The following TECTA variants were observed in gnomAD, a reference collection of about 807,000 sequenced individuals.
TECTA encodes the protein tectorin alpha, also known as alpha-tectorin.
A neutral mutation model predicts 216.8 loss-of-function variants in TECTA; 128 were observed. The ratio of observed to expected loss-of-function variants is 0.59; its 90% CI spans 0.51 to 0.68. TECTA has a LOEUF of 0.68. Ranked by LOEUF, TECTA falls within the 30% of genes least tolerant of loss-of-function variation. TECTA has a pLI of 0.00. For synonymous variants in TECTA, 1,089 were observed against 1,117.1 expected (o/e 0.97, Z 0.50); for missense variants, 2,551 against 2,786.2 (o/e 0.92, Z 1.90).
At chr11:121,153,180 T>C (rs967562600) in intron 13 of TECTA, 100 bp downstream of exon 13, 9 of 1,401,092 alleles carry the variant, frequency 6.4e-6, no homozygotes, top group African/African-American at 1.4e-5. Flanking sequence ...CACTTCATTA[T>C]GAAGAGCGTC....
intron 23 of TECTA, among the ~76,000 whole-genome samples, chr11:121,190,400 G>T (rs1365055601): frequency 6.6e-6 from 1 of 152,168 alleles, no homozygotes; most frequent in African/African-American, 2.4e-5. Flanking sequence ...GAGTAACTGG[G>T]ACTACAGGCA....
intron 4 of TECTA, among the ~76,000 whole-genome samples, chr11:121,111,544 G>A (rs1181080689): frequency 6.6e-6 from 1 of 152,200 alleles, no homozygotes; most frequent in South Asian, 2.1e-4. Context: ...GGTGTCACTG[G>A]TATGGCTGGT....
At chr11:121,106,609 G>T (rs1946392471) in intron 3 of TECTA, among the ~76,000 whole-genome samples, 1 of 152,142 alleles carries the variant, frequency 6.6e-6, no homozygotes, top group Non-Finnish European at 1.5e-5. Context: ...GGCACATGAA[G>T]AGGAAGATTC....
Position 121,127,797 on chromosome 11 carries a change from C to T in TECTA, c.1820C>T (p.Thr607Ile), listed in dbSNP as rs1481639629. 6.8e-6 allele frequency: 11 copies of T among 1,614,084 alleles called. No individual in the cohort carries two copies. Among genetic ancestry groups the T allele is most frequent in the Non-Finnish European group, 9.3e-6 (11 of 1,180,048 alleles). Residue 607 changes from threonine (T) to isoleucine (I), a missense_variant, in exon 9 of 24, where the codon ACA (threonine) becomes ATA (isoleucine). Transcript: ENST00000392793. This position sits in a 1 kb window ranked among gnomAD's most constrained non-coding sequence, Gnocchi z 5.0. ...AGCTTCAGCCACTACTCCGTGTGCA[C>T]AAGCAGCTGCCCCGACACATGCTCC... ...CPSFSHYSVC[T>I]SSCPDTCSDL...
chr11:121,113,143 C>G lies in TECTA; in HGVS notation c.558C>G (p.Ile186Met), dbSNP rs1946458237. 1 of 1,614,014 alleles carries G rather than the reference C, an allele frequency of 6.2e-7. No homozygotes were observed. The highest frequency in any genetic ancestry group is 1.3e-5 in the African/African-American group (1 of 74,906). The stretch of plus-strand genomic sequence containing the variant: ...TCACCCTCTTCAATTATTACGAAAT[C>G]AACTGGACCACGGGGACGGCGAGTG... ...YTFTLFNYYE[I>M]NWTTGTASGG... is the part of the protein sequence containing the mutation. Residue 186 changes from isoleucine (I) to methionine (M), a missense_variant, in exon 5 of 24, where the codon ATC becomes ATG. Physicochemically the swap from Ile to Met is conservative, Grantham distance 10 (BLOSUM62 1). Coordinates refer to ENST00000392793, the MANE Select transcript of TECTA (RefSeq NM_005422.4). This position sits in a 1 kb window ranked among gnomAD's most constrained non-coding sequence, Gnocchi z 4.2.
At chr11:121,141,287 CAG>C (rs1946781606) in intron 11 of TECTA, among the ~76,000 whole-genome samples, 1 of 152,182 alleles carries the variant, frequency 6.6e-6, no homozygotes, top group Non-Finnish European at 1.5e-5. Context: ...ATCAGGATGA[CAG>C]TGTGAAATGA....
At chr11:121,180,700 G>A (rs1469235795) in intron 20 of TECTA, among the ~76,000 whole-genome samples, 1 of 151,572 alleles carries the variant, frequency 6.6e-6, no homozygotes, top group East Asian at 1.9e-4. Flanking sequence ...CATTAAATAG[G>A]TTTTCTATGC....
intron 22 of TECTA, among the ~76,000 whole-genome samples, 168 bp from the exon 23 acceptor site, chr11:121,189,596 G>A (rs1045042151): frequency 1.3e-5 from 2 of 152,054 alleles, no homozygotes; most frequent in Non-Finnish European, 2.9e-5. Context: ...GGATGGTCTC[G>A]ATCTCCTGAC....
intron 12 of TECTA, among the ~76,000 whole-genome samples, chr11:121,146,879 T>A (rs1168784547): frequency 6.6e-6 from 1 of 152,216 alleles, no homozygotes; most frequent in African/African-American, 2.4e-5. Flanking sequence ...TCATTTATTC[T>A]TCTCAATGAC....
Position 121,127,120 on chromosome 11 carries a change from GA to G in TECTA, c.1775-630del, listed in dbSNP as rs1378723083. Among the ~76,000 whole-genome samples the G allele has an allele frequency of 1.3e-5, 2 of 152,186 alleles. No individual in the cohort carries two copies. The highest frequency in any genetic ancestry group is 4.8e-5 in the African/African-American group (2 of 41,442). ...CAAGAACCGAAGATTTCTAAGGCAAGAAGGGCCTTTAGAAGACATCTTACCT... is the reference window on the plus strand; with the variant it reads ...CAAGAACCGAAGATTTCTAAGGCAAGAGGGCCTTTAGAAGACATCTTACCT... On this transcript the variant is annotated intron_variant, in intron 8 of 23. Coordinates refer to ENST00000392793, the MANE Select transcript of TECTA (RefSeq NM_005422.4). This position sits in a 1 kb window ranked among gnomAD's most constrained non-coding sequence, Gnocchi z 5.0.
rs535563631 is a variant in TECTA, at chr11:121,175,300, G to T, written c.5999+6375G>T. 1.5e-4 allele frequency among the ~76,000 whole-genome samples: 22 copies of T among 151,420 alleles called. No individual in the cohort carries two copies. In the South Asian group the frequency reaches 4.2e-3, roughly 29 times the overall value. ...TTGTGATGTTAGGGTGTCAATTTTG[G>T]ATCTTTCCTGCTTTCTCTTGTGGGC... On this transcript the variant is annotated intron_variant, in intron 20 of 23. Coordinates refer to ENST00000392793, the MANE Select transcript of TECTA (RefSeq NM_005422.4).
chr11:121,145,005 G>C (rs943999605), intron 11 of TECTA, among the ~76,000 whole-genome samples: 2 of 152,138 alleles, frequency 1.3e-5, no homozygotes, highest in African/African-American at 4.8e-5. Context: ...TTCTGACCAC[G>C]GGCTCAGAAA....
intron 12 of TECTA, among the ~76,000 whole-genome samples, chr11:121,149,649 C>A (rs1333024935): frequency 6.6e-6 from 1 of 152,164 alleles, no homozygotes; most frequent in Non-Finnish European, 1.5e-5. Context: ...GGCCTCAAAT[C>A]CAGGTTGGTC....
At chr11:121,171,084 C>G (rs1466788391) in intron 20 of TECTA, among the ~76,000 whole-genome samples, 1 of 151,974 alleles carries the variant, frequency 6.6e-6, no homozygotes, top group Non-Finnish European at 1.5e-5. Flanking sequence ...ATCTTTAATC[C>G]TCTTTGAGTT....
Position 121,137,894 on chromosome 11 carries a change from C to T in TECTA, c.3415C>T (p.Pro1139Ser). Residue 1139 changes from proline (P) to serine (S), a missense_variant, in exon 11 of 24, where the codon CCC becomes TCC. Around this residue, in one of 3 missense-constraint regions of TECTA, gnomAD observed 2,375 missense variants for 2,563.9 expected, o/e 0.93. Transcript: ENST00000392793. ...AAGCAGGCCAAGCTCAGACTCTTTCCCCAAGTTTGTTGTCACAGCCAAGAA... is the reference window on the plus strand; with the variant it reads ...AAGCAGGCCAAGCTCAGACTCTTTCTCCAAGTTTGTTGTCACAGCCAAGAA... ...TGSRPSSDSF[P>S]KFVVTAKNED... is the part of the protein sequence containing the mutation. 6.2e-7 allele frequency: 1 copy of T among 1,602,328 alleles called. No individual in the cohort carries two copies. The highest frequency in any genetic ancestry group is 8.5e-7 in the Non-Finnish European group (1 of 1,170,672).
At chr11:121,121,047 A>G (rs948795513) in intron 7 of TECTA, among the ~76,000 whole-genome samples, 2 of 152,154 alleles carry the variant, frequency 1.3e-5, no homozygotes, top group Non-Finnish European at 2.9e-5. Context: ...AAGTGGAGAG[A>G]ACCTGGCTTT....
rs1237612380 is a variant in TECTA at position 121,138,002 on chromosome 11, G to T, written c.3523G>T (p.Ala1175Ser). Residue 1175 changes from alanine (A) to serine (S), a missense_variant, in exon 11 of 24, where the codon GCT (alanine) becomes TCT (serine). This residue lies in a region of TECTA where 2,375 missense variants were observed against 2,563.9 expected (regional missense o/e 0.93). Coordinates refer to ENST00000392793, the MANE Select transcript of TECTA (RefSeq NM_005422.4). ...VFGYSIVIHR[A>S]YKHTVLVNSE... is the part of the protein sequence containing the mutation. ...TGGCTACAGCATCGTGATCCACCGAGCTTACAAGCACACTGTGCTGGTGAG... is the reference window on the plus strand; with the variant it reads ...TGGCTACAGCATCGTGATCCACCGATCTTACAAGCACACTGTGCTGGTGAG... 1 of 1,613,806 alleles carries T rather than the reference G, an allele frequency of 6.2e-7. No homozygotes were observed. Among genetic ancestry groups the T allele is most frequent in the Admixed American group, 1.7e-5 (1 of 60,022 alleles).
intron 6 of TECTA, among the ~76,000 whole-genome samples, chr11:121,114,170 C>G (rs879403086): frequency 2.6e-5 from 4 of 152,046 alleles, no homozygotes; most frequent in Non-Finnish European, 5.9e-5. Context: ...TGCCAAGTTC[C>G]TATGAGGGTA....
rs551758838 is a variant in TECTA at position 121,190,004 on chromosome 11, T to G, written c.6367+124T>G. 5.2e-6 allele frequency: 4 copies of G among 774,650 alleles called. No homozygotes were observed. The East Asian group carries it at 7.9e-5, about 15-fold the overall frequency. The allele number at this position is 774,650 out of a possible 1,614,324, so 48.0% of individuals were successfully genotyped here. A position where few individuals can be genotyped will look rare whatever the true frequency, so the allele number is the denominator to read the frequency against. On this transcript the variant is annotated intron_variant, in intron 23 of 23. Transcript: ENST00000392793. ...ACTCTCCCTCGAAAACTCCAGAAATTAAGAAGGAAAGATGGGGAACATGCC... is the reference window on the plus strand; with the variant it reads ...ACTCTCCCTCGAAAACTCCAGAAATGAAGAAGGAAAGATGGGGAACATGCC...
Sources: gnomAD v4.1 joint callset for allele counts (sites outside exome capture counted in the v4.1 genomes callset) on GRCh38, gnomAD v4.1.1 for gene constraint, gnomAD v4.1.1 regional missense constraint, Gnocchi (gnomAD v3.1) non-coding constraint, MANE v1.5 for transcripts, NCBI Gene and HGNC (gene_info 2026-07-23, HGNC 2026-07-21) for gene names.